Variants in MAP3K19 observed in about 807,000 individuals in gnomAD.
MAP3K19 encodes SPS1/STE20-related protein kinase YSK4.
Under a neutral mutation model 114.4 loss-of-function variants are expected in MAP3K19, and 91 were observed. That is an observed-to-expected ratio of 0.80 (90% CI 0.67 to 0.95). MAP3K19 has a LOEUF of 0.95. Ranked by LOEUF, MAP3K19 falls within the 40% of genes least tolerant of loss-of-function variation. The pLI is 0.00. For synonymous variants in MAP3K19, 518 were observed against 530.5 expected, an observed-to-expected ratio of 0.98 and a Z score of 0.32; for missense variants, 1,471 against 1,573.2, an observed-to-expected ratio of 0.94 and a Z score of 1.10.
intron 2 of MAP3K19, among the ~76,000 whole-genome samples, chr2:135,033,673 C>G (rs1368686484): frequency 5.0e-3 from 2 of 398 alleles, no homozygotes; most frequent in Admixed American, 0.036. Flanking sequence ...CCCCCACCCC[C>G]CGGACGGGCG....
intron 4 of MAP3K19, chr2:135,023,700 T>C (rs938036692): frequency 4.2e-5 from 17 of 404,622 alleles, no homozygotes; most frequent in Admixed American, 1.6e-4. Context: ...CCAGCATCTC[T>C]TAGGCTCACT....
chr2:134,998,617 GCTGGGGTTATTTT>G (rs1342761854), intron 8 of MAP3K19, 108 bp downstream of exon 8: 1 of 1,028,436 alleles, frequency 9.7e-7, no homozygotes, highest in African/African-American at 1.6e-5. Flanking sequence ...TTACACAAGG[GCTGGGGTTATTTT>G]CTGGTATGTT....
chr2:134,991,436 G>T, intron 9 of MAP3K19, 101 bp downstream of exon 9: 2 of 1,006,578 alleles, frequency 2.0e-6, no homozygotes, highest in Non-Finnish European at 3.2e-6. Flanking sequence ...CCCCTGCATT[G>T]TTGAAGGGTC....
chr2:134,980,992 A>G lies in MAP3K19; in HGVS notation c.3749T>C (p.Ile1250Thr), dbSNP rs777870113. Residue 1250 changes from isoleucine to threonine, a missense_variant, in exon 12 of 13, where the codon ATC becomes ACC. Transcript: ENST00000392915. ...NESGYGRKSDIWSIGCTVFEM... is the reference protein window; with the variant it reads ...NESGYGRKSDTWSIGCTVFEM... ...AAACACAGTACAACCAATGCTCCAG[A>G]TATCTGATTTCCGTCCATAGCCAGA... The G allele has an allele frequency of 1.2e-6, 2 of 1,614,190 alleles. No individual in the cohort carries two copies. The highest frequency in any genetic ancestry group is 1.7e-6 in the Non-Finnish European group (2 of 1,180,036).
chr2:135,005,307 T>C (rs1242039861), intron 6 of MAP3K19, 128 bp downstream of exon 6: 5 of 670,830 alleles, frequency 7.5e-6, no homozygotes, highest in Non-Finnish European at 1.3e-5. Flanking sequence ...CCTCCTCCAC[T>C]CCCTCTACCC....
At chr2:135,012,558 C>T (rs1013261185) in intron 5 of MAP3K19, among the ~76,000 whole-genome samples, 1 of 152,084 alleles carries the variant, frequency 6.6e-6, no homozygotes, top group Non-Finnish European at 1.5e-5. Flanking sequence ...CAAAATTAAA[C>T]TGCACATGTA....
rs1329929294 is a variant in MAP3K19 at position 134,986,287 on chromosome 2, T to C, written c.2585A>G (p.Lys862Arg). The change falls in exon 10 of 13, where the codon AAG becomes AGG. Residue 862 changes from lysine (K) to arginine (R), a missense_variant. Physicochemically the swap from Lys to Arg is conservative, Grantham distance 26. Transcript: ENST00000392915. ...TTGCTGTACATACTTGTTAGAATTCTTCTCACTGGGCACTGCCCAGCTGTC... is the reference window on the plus strand; with the variant it reads ...TTGCTGTACATACTTGTTAGAATTCCTCTCACTGGGCACTGCCCAGCTGTC... ...SEDSWAVPSE[K>R]NSNKYVQQEK... The C allele has an allele frequency of 3.1e-6, 5 of 1,614,074 alleles. No homozygotes were observed. The highest frequency in any genetic ancestry group is 4.2e-6 in the Non-Finnish European group (5 of 1,180,000).
At chr2:134,980,282 C>CCATTA (rs1684541050) in intron 12 of MAP3K19, among the ~76,000 whole-genome samples, 1 of 152,220 alleles carries the variant, frequency 6.6e-6, no homozygotes, top group South Asian at 2.1e-4. Context: ...TAGTTAATTT[C>CCATTA]CATTACATTA....
At position 134,980,993 on chromosome 2, in the gene MAP3K19, T is replaced by C. The variant is rs1224569588; in HGVS notation, c.3748A>G (p.Ile1250Val). 4.3e-6 allele frequency: 7 copies of C among 1,614,232 alleles called. No homozygotes were observed. The highest frequency in any genetic ancestry group is 5.1e-6 in the Non-Finnish European group (6 of 1,180,046). ...NESGYGRKSD[I>V]WSIGCTVFEM... Reference sequence around the variant, plus strand: ...AACACAGTACAACCAATGCTCCAGATATCTGATTTCCGTCCATAGCCAGAC... The same window carrying C: ...AACACAGTACAACCAATGCTCCAGACATCTGATTTCCGTCCATAGCCAGAC... The change falls in exon 12 of 13, where the codon ATC becomes GTC. Residue 1250 changes from isoleucine (I) to valine (V), a missense_variant. Transcript: ENST00000392915.
At chr2:135,009,929 A>G (rs1252644386) in intron 5 of MAP3K19, among the ~76,000 whole-genome samples, 1 of 152,196 alleles carries the variant, frequency 6.6e-6, no homozygotes, top group Non-Finnish European at 1.5e-5. Context: ...AGGATCTATT[A>G]TCTTCATTTT....
At chr2:134,978,886 A>G (rs1336424911) in intron 12 of MAP3K19, among the ~76,000 whole-genome samples, 1 of 151,898 alleles carries the variant, frequency 6.6e-6, no homozygotes, top group Non-Finnish European at 1.5e-5. Context: ...TTCTACCCCA[A>G]ATCTTTTGCA....
intron 12 of MAP3K19, among the ~76,000 whole-genome samples, chr2:134,979,987 A>C: frequency 6.6e-6 from 1 of 152,210 alleles, no homozygotes; most frequent in East Asian, 1.9e-4. Flanking sequence ...GGAGTTTTTC[A>C]TCTAGGGATA....
rs190786136 is a variant in MAP3K19, at chr2:135,021,331, G to C, written c.138+384C>G. ...TGAGAGGTTGGCAATCTGCAGTCCAGAAGACAGCCCTCACCAGACTCAAAC... is the reference window on the plus strand; with the variant it reads ...TGAGAGGTTGGCAATCTGCAGTCCACAAGACAGCCCTCACCAGACTCAAAC... On this transcript the variant is annotated intron_variant, in intron 5 of 12. Coordinates refer to ENST00000392915, the MANE Select transcript of MAP3K19 (RefSeq NM_025052.5). Among the ~76,000 whole-genome samples the C allele has an allele frequency of 9.1e-4, 138 of 152,276 alleles. 1 individual carries two copies. The highest frequency in any genetic ancestry group is 1.8e-3 in the Non-Finnish European group (123 of 68,024).
At chr2:135,033,515 A>C (rs1688443982) in intron 2 of MAP3K19, among the ~76,000 whole-genome samples, 1 of 94,138 alleles carries the variant, frequency 1.1e-5, no homozygotes, top group Non-Finnish European at 1.9e-5. Flanking sequence ...ACTTCCCAGT[A>C]GGGGCAGCCG....
intron 5 of MAP3K19, 65 bp downstream of exon 5, chr2:135,021,650 A>G (rs943318644): frequency 7.1e-6 from 6 of 850,356 alleles, no homozygotes; most frequent in Non-Finnish European, 1.1e-5. Context: ...GAAGTATTCA[A>G]GCAACACAAA....
At chr2:134,998,529 A>G (rs1047551746) in intron 8 of MAP3K19, among the ~76,000 whole-genome samples, 1 of 152,188 alleles carries the variant, frequency 6.6e-6, no homozygotes, top group African/African-American at 2.4e-5. Flanking sequence ...TTCTGCTGGA[A>G]CATTATGCCA....
chr2:134,999,762 C>G lies in MAP3K19; in HGVS notation c.314+175G>C, dbSNP rs2105293792. On this transcript the variant is annotated intron_variant, in intron 7 of 12. Coordinates refer to ENST00000392915, the MANE Select transcript of MAP3K19 (RefSeq NM_025052.5). The surrounding 1 kb of genome is among the most constrained non-coding windows in gnomAD (Gnocchi z 4.1). ...AGAGTTGAATCATCACAACAGAGAC[C>G]ATATGGCCCACACAGCCAAAGTGTT... 6.6e-6 allele frequency among the ~76,000 whole-genome samples: 1 copy of G among 152,298 alleles called. No homozygotes were observed. Among genetic ancestry groups the G allele is most frequent in the East Asian group, 1.9e-4 (1 of 5,192 alleles).
intron 5 of MAP3K19, among the ~76,000 whole-genome samples, chr2:135,010,036 C>G (rs1414086460): frequency 6.6e-6 from 1 of 151,778 alleles, no homozygotes; most frequent in East Asian, 1.9e-4. Context: ...AAATCTGGGT[C>G]CAGAGGTTGT....
At chr2:135,045,959 C>T (rs1234515955) in intron 1 of MAP3K19, among the ~76,000 whole-genome samples, 1 of 150,212 alleles carries the variant, frequency 6.7e-6, no homozygotes, top group East Asian at 1.9e-4. Flanking sequence ...GGGTCTCACT[C>T]TCTCATCCAG....
Sources: gnomAD v4.1 joint callset for allele counts (sites outside exome capture counted in the v4.1 genomes callset) on GRCh38, gnomAD v4.1.1 for gene constraint, Gnocchi (gnomAD v3.1) non-coding constraint, MANE v1.5 for transcripts, NCBI Gene and HGNC (gene_info 2026-07-23, HGNC 2026-07-21) for gene names.